Variants in RBM33 observed in about 807,000 individuals in gnomAD.
RBM33 encodes the protein RNA binding motif protein 33, also known as RNA-binding protein 33.
In RBM33, 28 loss-of-function variants were observed where a neutral mutation model predicts 132.6. That is an observed-to-expected ratio of 0.21 (90% CI 0.16 to 0.29). RBM33 has a LOEUF of 0.29. RBM33 is among the 10% of genes least tolerant of loss of function. RBM33 has a pLI of 1.00. For missense variants in RBM33, 1,291 were observed against 1,518.5 expected, an observed-to-expected ratio of 0.85 and a Z score of 2.49; for synonymous variants, 634 against 593.0, an observed-to-expected ratio of 1.07 and a Z score of -1.01.
chr7:155,673,716 A>C (rs1325158074), intron 3 of RBM33, among the ~76,000 whole-genome samples: 1 of 147,544 alleles, frequency 6.8e-6, no homozygotes, highest in African/African-American at 2.5e-5. Context: ...ACACGTGTAT[A>C]TATATACACA....
chr7:155,757,748 C>T (rs1028274064), intron 14 of RBM33, among the ~76,000 whole-genome samples: 1 of 152,020 alleles, frequency 6.6e-6, no homozygotes, highest in Non-Finnish European at 1.5e-5. Flanking sequence ...GCCCAGGGTT[C>T]TGCAGGCTTT....
chr7:155,679,505 A>ACC (rs1201295750), intron 4 of RBM33, among the ~76,000 whole-genome samples: 1 of 83,596 alleles, frequency 1.2e-5, no homozygotes, highest in Non-Finnish European at 3.0e-5. Flanking sequence ...GAGGAGAGAC[A>ACC]CACTGGTAGG....
chr7:155,748,213 C>G (rs1385214742), intron 14 of RBM33, among the ~76,000 whole-genome samples: 3 of 152,216 alleles, frequency 2.0e-5, no homozygotes, highest in African/African-American at 7.2e-5. Context: ...TGTTGGTTCG[C>G]GTTTCCCATT....
At chr7:155,701,589 C>T (rs10155959) in intron 6 of RBM33, 37,420 of 152,158 alleles carry the variant, frequency 0.25, 4,905 homozygotes, top group Admixed American at 0.38. Flanking sequence ...TTTGAGTGAG[C>T]GTTAGAATCT....
At chr7:155,705,462 T>C (rs1316503439) in intron 6 of RBM33, among the ~76,000 whole-genome samples, 1 of 152,220 alleles carries the variant, frequency 6.6e-6, no homozygotes, top group African/African-American at 2.4e-5. Context: ...AAATGGGGTC[T>C]AGTTTTATTT....
Position 155,644,916 on chromosome 7 carries a change from G to C in RBM33, c.40G>C (p.Gly14Arg). The C allele has an allele frequency of 5.3e-6, 8 of 1,498,848 alleles. No individual in the cohort carries two copies. The highest frequency in any genetic ancestry group is 2.8e-5 in the East Asian group (1 of 35,758). 92.8% of individuals were successfully genotyped at this position (1,498,848 alleles called of 1,614,324 possible). Reference sequence around the variant, plus strand: ...GGGAGCGAGCGGAGGAGCAGGCGCCGGAGGTACGTGAGGCAGCCGGACTCT... The same window carrying C: ...GGGAGCGAGCGGAGGAGCAGGCGCCCGAGGTACGTGAGGCAGCCGGACTCT... ...ALGASGGAGAGDDDFDQFDKP... is the reference protein window; with the variant it reads ...ALGASGGAGARDDDFDQFDKP... Residue 14 changes from glycine (G) to arginine (R), a missense_variant, in exon 1 of 18, where the codon GGA becomes CGA. Transcript: ENST00000401878.
intron 6 of RBM33, among the ~76,000 whole-genome samples, chr7:155,703,390 G>C (rs1800021864): frequency 6.6e-6 from 1 of 152,120 alleles, no homozygotes; most frequent in Non-Finnish European, 1.5e-5. Flanking sequence ...CTTAGAGGCA[G>C]AGTAGCTATA....
chr7:155,684,386 A>G (rs1166956439), intron 5 of RBM33, among the ~76,000 whole-genome samples: 2 of 152,118 alleles, frequency 1.3e-5, no homozygotes, highest in Admixed American at 6.5e-5. Context: ...GCTTTCTTCC[A>G]TCTACCCAGA....
chr7:155,733,431 A>C (rs949728213), intron 9 of RBM33, among the ~76,000 whole-genome samples: 10 of 152,268 alleles, frequency 6.6e-5, no homozygotes, highest in Admixed American at 1.3e-4. Flanking sequence ...GTGAACTTAC[A>C]GAAAAATAAA....
chr7:155,692,297 T>C (rs1799666533), intron 5 of RBM33, among the ~76,000 whole-genome samples: 1 of 152,042 alleles, frequency 6.6e-6, no homozygotes, highest in Admixed American at 6.6e-5. Flanking sequence ...TGAGGGAGCG[T>C]TTTGGTAACA....
chr7:155,678,076 A>G (rs1255140651), intron 3 of RBM33, among the ~76,000 whole-genome samples: 1 of 152,188 alleles, frequency 6.6e-6, no homozygotes, highest in Non-Finnish European at 1.5e-5. Flanking sequence ...ACCATCAAGA[A>G]CAGGAGTGGG....
chr7:155,661,924 A>G (rs576233116), intron 1 of RBM33, among the ~76,000 whole-genome samples: 2 of 151,756 alleles, frequency 1.3e-5, no homozygotes, highest in African/African-American at 4.8e-5. Context: ...TTTCTTCCAT[A>G]TCTTGTAATT....
chr7:155,757,121 T>G (rs1801877024), intron 14 of RBM33, among the ~76,000 whole-genome samples: 1 of 150,730 alleles, frequency 6.6e-6, no homozygotes, highest in South Asian at 2.1e-4. Context: ...TAAAGTAAAA[T>G]TTGAATGTGA....
At chr7:155,678,581 A>G (rs1206086820) in intron 3 of RBM33, 27 bp from the exon 4 acceptor site, 7 of 1,337,304 alleles carry the variant, frequency 5.2e-6, no homozygotes, top group South Asian at 1.3e-5. Flanking sequence ...AGTGACACAC[A>G]TTAATTATAT....
At chr7:155,728,775 C>A (rs1800867087) in intron 9 of RBM33, among the ~76,000 whole-genome samples, 1 of 152,070 alleles carries the variant, frequency 6.6e-6, no homozygotes, top group Admixed American at 6.5e-5. Flanking sequence ...TGAGAAAAAT[C>A]CCTCCCCATT....
chr7:155,701,008 T>A (rs756042835), intron 6 of RBM33, 64 bp downstream of exon 6: 4 of 1,374,914 alleles, frequency 2.9e-6, no homozygotes, highest in Non-Finnish European at 4.1e-6. Flanking sequence ...ATAGTATTGC[T>A]GTAATTAATC....
At chr7:155,729,747 A>C (rs1800899882) in intron 9 of RBM33, among the ~76,000 whole-genome samples, 1 of 132,728 alleles carries the variant, frequency 7.5e-6, no homozygotes, top group Non-Finnish European at 1.6e-5. Context: ...TTTAACAAAA[A>C]AAAAAAAAAA....
chr7:155,653,668 T>C (rs1438978290), intron 1 of RBM33, among the ~76,000 whole-genome samples: 1 of 152,234 alleles, frequency 6.6e-6, no homozygotes, highest in Non-Finnish European at 1.5e-5. Flanking sequence ...GAGCACCTCC[T>C]CGTGCTGGGA....
At chr7:155,664,983 T>G (rs1798762407) in intron 1 of RBM33, among the ~76,000 whole-genome samples, 192 bp from the exon 2 acceptor site, 1 of 152,210 alleles carries the variant, frequency 6.6e-6, no homozygotes, top group South Asian at 2.1e-4. Flanking sequence ...TTGGTTTTCT[T>G]GGATAGCTTT....
Sources: allele counts gnomAD v4.1 joint callset (sites outside exome capture counted in the v4.1 genomes callset), GRCh38; gene constraint gnomAD v4.1.1; transcripts MANE v1.5; gene names NCBI Gene and HGNC (gene_info 2026-07-23, HGNC 2026-07-21).